RAD51B: variants seen among roughly 807,000 people sequenced by gnomAD.
RAD51B encodes the protein DNA repair protein RAD51 homolog 2.
In RAD51B, 38 loss-of-function variants were observed where a neutral mutation model predicts 42.2. The observed-to-expected ratio is 0.90, with a 90% confidence interval of 0.70 to 1.18. RAD51B has a LOEUF of 1.18. Among genes scored for constraint, RAD51B ranks in the 50% most tolerant of loss-of-function variants. The pLI is 0.00. For missense variants in RAD51B, 373 were observed against 400.7 expected (o/e 0.93, Z 0.59); for synonymous variants, 154 against 145.2 (o/e 1.06, Z -0.43).
chr14:68,358,220 A>T (rs1261693578), intron 8 of RAD51B, among the ~76,000 whole-genome samples: 3 of 152,244 alleles, frequency 2.0e-5, no homozygotes, highest in African/African-American at 7.2e-5. Flanking sequence ...TGCGAGAATG[A>T]CCAAAACATG....
At chr14:67,856,567 G>A (rs1175870419) in intron 4 of RAD51B, among the ~76,000 whole-genome samples, 2 of 152,088 alleles carry the variant, frequency 1.3e-5, no homozygotes, top group African/African-American at 4.8e-5. Flanking sequence ...ATCAGAGCCA[G>A]GCATCCTTAA....
intron 7 of RAD51B, among the ~76,000 whole-genome samples, chr14:68,261,044 A>G (rs1322237427): frequency 2.0e-5 from 3 of 152,210 alleles, no homozygotes; most frequent in Non-Finnish European, 4.4e-5. Flanking sequence ...ATGATTTCAT[A>G]GAATCAATTT....
chr14:68,575,590 C>T (rs576181524), intron 10 of RAD51B, among the ~76,000 whole-genome samples: 32 of 152,280 alleles, frequency 2.1e-4, no homozygotes, highest in African/African-American at 7.5e-4. Context: ...CCTCCCCTCT[C>T]CCTCCCCAAC....
At chr14:68,157,056 G>A (rs10148713) in intron 7 of RAD51B, among the ~76,000 whole-genome samples, 10,878 of 152,132 alleles carry the variant, frequency 0.072, 1,163 homozygotes, top group African/African-American at 0.23. Flanking sequence ...AATTAGCCAG[G>A]TGTGGTGGCA....
At chr14:68,548,338 A>T (rs1888343071) in intron 10 of RAD51B, among the ~76,000 whole-genome samples, 1 of 151,690 alleles carries the variant, frequency 6.6e-6, no homozygotes, top group Non-Finnish European at 1.5e-5. Flanking sequence ...AGCCTGCTGC[A>T]TGCTTCTACC....
intron 7 of RAD51B, among the ~76,000 whole-genome samples, chr14:68,100,373 G>A (rs763116021): frequency 6.6e-6 from 1 of 152,066 alleles, no homozygotes; most frequent in African/African-American, 2.4e-5. Flanking sequence ...TTAGAGACAG[G>A]GTCTCACTGT....
At chr14:68,491,803 C>T (rs1884099035) in intron 10 of RAD51B, among the ~76,000 whole-genome samples, 1 of 152,234 alleles carries the variant, frequency 6.6e-6, no homozygotes, top group South Asian at 2.1e-4. Flanking sequence ...GTTTTCCAAC[C>T]TTCATGGAAG....
intron 10 of RAD51B, among the ~76,000 whole-genome samples, chr14:68,548,123 G>A (rs1481808859): frequency 1.3e-5 from 2 of 152,208 alleles, no homozygotes; most frequent in African/African-American, 4.8e-5. Context: ...ATATTCTCAT[G>A]TTCTCTCTCT....
chr14:68,044,112 G>C (rs1382195771), intron 7 of RAD51B, among the ~76,000 whole-genome samples: 1 of 152,186 alleles, frequency 6.6e-6, no homozygotes, highest in Non-Finnish European at 1.5e-5. Context: ...CCCAGGAAAA[G>C]CAGTGCCAGC....
chr14:68,334,167 G>T (rs971866714), intron 8 of RAD51B, among the ~76,000 whole-genome samples: 6 of 152,062 alleles, frequency 3.9e-5, no homozygotes, highest in Admixed American at 6.5e-5. Flanking sequence ...GGGATGAGGG[G>T]TGCTAACCCT....
At chr14:68,662,350 C>T (rs912054361) in intron 11 of RAD51B, among the ~76,000 whole-genome samples, 5 of 152,244 alleles carry the variant, frequency 3.3e-5, no homozygotes, top group African/African-American at 1.2e-4. Flanking sequence ...CATCTTGTTA[C>T]ATTCAGCCAC....
intron 10 of RAD51B, among the ~76,000 whole-genome samples, chr14:68,567,305 G>GA (rs34510428): frequency 0.25 from 37,538 of 148,330 alleles, 4,836 homozygotes; most frequent in South Asian, 0.31. Context: ...GTCTCAGAAA[G>GA]AAAAAAAAAA....
chr14:68,264,931 C>T (rs1247188094), intron 7 of RAD51B, among the ~76,000 whole-genome samples: 1 of 152,154 alleles, frequency 6.6e-6, no homozygotes, highest in Non-Finnish European at 1.5e-5. Flanking sequence ...GAATAGGGAA[C>T]TCTGCCTCTG....
At chr14:67,978,167 C>T (rs1407065093) in intron 7 of RAD51B, among the ~76,000 whole-genome samples, 1 of 151,974 alleles carries the variant, frequency 6.6e-6, no homozygotes, top group African/African-American at 2.4e-5. Flanking sequence ...TTTCCTGTGG[C>T]TAAACTACTG....
intron 7 of RAD51B, among the ~76,000 whole-genome samples, chr14:68,280,383 C>G (rs1268660592): frequency 1.3e-5 from 2 of 152,156 alleles, no homozygotes; most frequent in African/African-American, 2.4e-5. Context: ...TATTGAGAAC[C>G]TTTTTATGTG....
chr14:67,847,677 T>C (rs1029446325), intron 4 of RAD51B, among the ~76,000 whole-genome samples: 3 of 152,250 alleles, frequency 2.0e-5, no homozygotes, highest in Non-Finnish European at 4.4e-5. Flanking sequence ...AAAAAATTTA[T>C]TGACACTTAC....
chr14:67,996,415 T>TAAATA (rs2075385434), intron 7 of RAD51B, among the ~76,000 whole-genome samples: 1 of 98,506 alleles, frequency 1.0e-5, no homozygotes, highest in Non-Finnish European at 2.0e-5. Context: ...ACAACAATAA[T>TAAATA]AAATAAATAA....
chr14:67,910,988 A>G (rs1482881891), intron 7 of RAD51B, among the ~76,000 whole-genome samples: 5 of 151,870 alleles, frequency 3.3e-5, no homozygotes, highest in Middle Eastern at 6.8e-3. Flanking sequence ...ATTTTTGTAT[A>G]TGTATTTTTA....
In RAD51B at chr14:67,959,391, C is replaced by T. The variant is rs180809779; in HGVS notation, c.756+72187C>T. Among the ~76,000 whole-genome samples, 11 of 152,110 alleles carry T rather than the reference C, an allele frequency of 7.2e-5. No homozygotes were observed. In the East Asian group the frequency reaches 7.7e-4, roughly 11 times the overall value. On this transcript the variant is annotated intron_variant, in intron 7 of 10. Transcript: ENST00000471583. Reference sequence around the variant, plus strand: ...CCTCCTGAGTAGCTGGGACTACAGGCGCCCGCCACCACGCCTGGCTAATGT... The same window carrying T: ...CCTCCTGAGTAGCTGGGACTACAGGTGCCCGCCACCACGCCTGGCTAATGT...
Sources: allele counts gnomAD v4.1 joint callset (sites outside exome capture counted in the v4.1 genomes callset), GRCh38; gene constraint gnomAD v4.1.1; transcripts MANE v1.5; gene names NCBI Gene and HGNC (gene_info 2026-07-23, HGNC 2026-07-21).